ERBB4: variants seen among roughly 807,000 people sequenced by gnomAD.
ERBB4 encodes the protein erb-b2 receptor tyrosine kinase 4.
A neutral mutation model predicts 158.0 loss-of-function variants in ERBB4; 42 were observed. The observed-to-expected ratio is 0.27, with a 90% CI of 0.21 to 0.34. The LOEUF (loss-of-function observed/expected upper bound fraction) is 0.34. Ranked by LOEUF, ERBB4 falls within the 10% of genes least tolerant of loss-of-function variation. ERBB4 has a pLI of 1.00. For missense variants in ERBB4, 1,333 were observed against 1,624.1 expected (o/e 0.82, Z 3.08); for synonymous variants, 583 against 558.7 (o/e 1.04, Z -0.61).
At chr2:211,729,692 T>C (rs62182990) in intron 5 of ERBB4, among the ~76,000 whole-genome samples, 2,350 of 151,904 alleles carry the variant, frequency 0.015, 27 homozygotes, top group African/African-American at 0.029. Context: ...TTTATTACAA[T>C]GGGGACACAA....
chr2:211,664,323 A>G (rs1365169169), intron 15 of ERBB4, among the ~76,000 whole-genome samples: 1 of 127,432 alleles, frequency 7.8e-6, no homozygotes, highest in African/African-American at 3.3e-5. Context: ...ATTCTCAACT[A>G]CAAATGTGTG....
chr2:211,749,641 T>G (rs905405458), intron 5 of ERBB4, among the ~76,000 whole-genome samples: 1 of 152,218 alleles, frequency 6.6e-6, no homozygotes, highest in African/African-American at 2.4e-5. Context: ...CCTATATTTT[T>G]ATTCTTTGGT....
chr2:211,718,692 A>G (rs2106109439), intron 7 of ERBB4, among the ~76,000 whole-genome samples: 2 of 152,182 alleles, frequency 1.3e-5, no homozygotes, highest in South Asian at 2.1e-4. Context: ...GAGCAATCAT[A>G]TTCTTACACT....
intron 20 of ERBB4, among the ~76,000 whole-genome samples, chr2:211,525,213 C>T (rs184574510): frequency 6.6e-6 from 1 of 152,266 alleles, no homozygotes; most frequent in East Asian, 1.9e-4. Flanking sequence ...GCCAGGGCAG[C>T]TAAGGAAGTG....
intron 1 of ERBB4, among the ~76,000 whole-genome samples, chr2:212,221,603 T>C (rs1273692852): frequency 2.0e-5 from 3 of 151,546 alleles, no homozygotes; most frequent in African/African-American, 7.2e-5. Context: ...GTCCTCCCCC[T>C]GTTGCCATGA....
chr2:211,517,546 GC>G (rs1418365993), intron 20 of ERBB4, among the ~76,000 whole-genome samples: 1 of 152,096 alleles, frequency 6.6e-6, no homozygotes, highest in African/African-American at 2.4e-5. Flanking sequence ...TGGTGAGATA[GC>G]TTTTTTCCTT....
At chr2:211,750,597 T>A in intron 5 of ERBB4, 42 bp downstream of exon 5, 14 of 1,533,714 alleles carry the variant, frequency 9.1e-6, no homozygotes, top group Non-Finnish European at 1.3e-5. Context: ...TAAAATTCCT[T>A]GACCACATCA....
At chr2:212,331,406 C>T (rs1217011860) in intron 1 of ERBB4, among the ~76,000 whole-genome samples, 1 of 151,464 alleles carries the variant, frequency 6.6e-6, no homozygotes. Flanking sequence ...ATCTCGCAAA[C>T]CAAAACTGTA....
intron 18 of ERBB4, among the ~76,000 whole-genome samples, chr2:211,620,996 T>A (rs2069579556): frequency 6.6e-6 from 1 of 152,002 alleles, no homozygotes; most frequent in African/African-American, 2.4e-5. Context: ...ATGCCTGTGG[T>A]CCCAGCTACT....
chr2:211,542,452 C>T (rs1187372394), intron 20 of ERBB4, among the ~76,000 whole-genome samples: 1 of 152,056 alleles, frequency 6.6e-6, no homozygotes, highest in Non-Finnish European at 1.5e-5. Context: ...TGACTGCATC[C>T]AAAGTAACTA....
chr2:212,382,730 T>G (rs1256330059), intron 1 of ERBB4, among the ~76,000 whole-genome samples: 1 of 151,338 alleles, frequency 6.6e-6, no homozygotes, highest in Non-Finnish European at 1.5e-5. Flanking sequence ...ACATTATTAC[T>G]TGTTTAATAT....
intron 1 of ERBB4, among the ~76,000 whole-genome samples, chr2:212,342,014 G>A (rs889287683): frequency 3.9e-5 from 6 of 152,212 alleles, no homozygotes; most frequent in African/African-American, 4.8e-5. Flanking sequence ...ATCCCAACAC[G>A]TTGGGAGGTC....
intron 3 of ERBB4, among the ~76,000 whole-genome samples, chr2:211,912,741 A>T (rs896299741): frequency 6.6e-6 from 1 of 152,190 alleles, no homozygotes; most frequent in African/African-American, 2.4e-5. Flanking sequence ...GAAAATTTGC[A>T]TCTGTGGAGA....
intron 6 of ERBB4, 74 bp downstream of exon 6, chr2:211,725,002 A>C: frequency 9.0e-7 from 1 of 1,110,676 alleles, no homozygotes; most frequent in Non-Finnish European, 1.4e-6. Flanking sequence ...AATAAGACAA[A>C]GATTCAGTAT....
chr2:212,036,939 T>G (rs539757472), intron 2 of ERBB4, among the ~76,000 whole-genome samples: 1 of 152,172 alleles, frequency 6.6e-6, no homozygotes, highest in African/African-American at 2.4e-5. Context: ...ATCCTAGAGA[T>G]AGCAGAAATG....
intron 3 of ERBB4, among the ~76,000 whole-genome samples, chr2:211,804,578 G>C (rs1411018957): frequency 1.3e-5 from 2 of 152,174 alleles, no homozygotes; most frequent in African/African-American, 4.8e-5. Context: ...CAGTCAACTA[G>C]TATGCTCTCA....
At chr2:212,420,824 TTA>T (rs1441932924) in intron 1 of ERBB4, among the ~76,000 whole-genome samples, 2 of 152,124 alleles carry the variant, frequency 1.3e-5, no homozygotes, top group East Asian at 3.9e-4. Context: ...ATGAAGAGCA[TTA>T]TGAGGACAGA....
chr2:212,100,267 A>G (rs775871910), intron 2 of ERBB4, among the ~76,000 whole-genome samples: 1 of 152,214 alleles, frequency 6.6e-6, no homozygotes, highest in Non-Finnish European at 1.5e-5. Context: ...AGCAGCATCA[A>G]AAAGTGTAAG....
intron 19 of ERBB4, among the ~76,000 whole-genome samples, chr2:211,573,216 C>A (rs560504707): frequency 7.2e-5 from 11 of 152,240 alleles, no homozygotes; most frequent in African/African-American, 2.6e-4. Flanking sequence ...AGCCAAGGAA[C>A]ATCTGTAGCC....
Sources: allele counts gnomAD v4.1 joint callset (sites outside exome capture counted in the v4.1 genomes callset), GRCh38; gene constraint gnomAD v4.1.1; transcripts MANE v1.5; gene names NCBI Gene and HGNC (gene_info 2026-07-23, HGNC 2026-07-21).